The following TMEM151B variants were observed in gnomAD, a reference collection of about 807,000 sequenced individuals.
TMEM151B encodes transmembrane protein 193.
Under a neutral mutation model 33.0 loss-of-function variants are expected in TMEM151B, and 18 were observed. The ratio of observed to expected loss-of-function variants is 0.55; its 90% CI spans 0.38 to 0.81. The LOEUF is 0.81. Among genes scored for constraint, TMEM151B ranks in the 30% least tolerant of loss-of-function variants. The pLI is 0.00. For missense variants in TMEM151B, 672 were observed against 843.4 expected, an observed-to-expected ratio of 0.80 and a Z score of 2.52; for synonymous variants, 354 against 373.6, an observed-to-expected ratio of 0.95 and a Z score of 0.61.
chr6:44,274,021 C>T (rs1292067298), intron 2 of TMEM151B, among the ~76,000 whole-genome samples: 5 of 151,978 alleles, frequency 3.3e-5, no homozygotes, highest in South Asian at 2.1e-4. Flanking sequence ...CCAGCCCACC[C>T]GGCAGCAACA....
chr6:44,271,303 C>A (rs1782331462), intron 1 of TMEM151B, among the ~76,000 whole-genome samples: 1 of 114,968 alleles, frequency 8.7e-6, no homozygotes, highest in Non-Finnish European at 1.7e-5. Context: ...ATCTGGGACC[C>A]TAAGGAGGTC....
At position 44,275,403 on chromosome 6, in the gene TMEM151B, G is replaced by T. The variant is rs779573037; in HGVS notation, c.577G>T (p.Val193Phe). The stretch of plus-strand genomic sequence containing the variant: ...CCGCCGCCTGCCCCCCGCGCCGCAG[G>T]TCTACCACGAACGCGTCAACACGCA... ...RNGDAYTTTQ[V>F]YHERVNTHVA... is the part of the protein sequence containing the mutation. The change falls in exon 3 of 3, where the codon GTC (valine) becomes TTC (phenylalanine). Residue 193 changes from valine (V) to phenylalanine (F), a missense_variant and splice_region_variant. Val to Phe is a conservative substitution (Grantham distance 50). Coordinates refer to ENST00000451188, the MANE Select transcript of TMEM151B (RefSeq NM_001137560.2). The T allele has an allele frequency of 7.3e-5, 110 of 1,513,070 alleles. No individual in the cohort carries two copies. The highest frequency in any genetic ancestry group is 8.4e-5 in the Non-Finnish European group (95 of 1,125,782). 93.7% of individuals were successfully genotyped at this position (1,513,070 alleles called of 1,614,324 possible).
chr6:44,275,803 A>G lies in TMEM151B; in HGVS notation c.977A>G (p.His326Arg). The change falls in exon 3 of 3, where the codon CAC (histidine) becomes CGC (arginine). Residue 326 changes from histidine to arginine, a missense_variant. Physicochemically the swap from His to Arg is conservative, Grantham distance 29. Coordinates refer to ENST00000451188, the MANE Select transcript of TMEM151B (RefSeq NM_001137560.2). ...GCCGAGTACCGCACGGCCTACGCGCACTACCACGTGGAGAAGCTATTTGGC... is the reference window on the plus strand; with the variant it reads ...GCCGAGTACCGCACGGCCTACGCGCGCTACCACGTGGAGAAGCTATTTGGC... The part of the protein sequence containing the change: ...VLAEYRTAYA[H>R]YHVEKLFGLE... The G allele has an allele frequency of 6.5e-7, 1 of 1,543,346 alleles. No individual in the cohort carries two copies. Among genetic ancestry groups the G allele is most frequent in the Non-Finnish European group, 8.7e-7 (1 of 1,145,656 alleles).
In TMEM151B at chr6:44,270,644, C is replaced by T; in HGVS notation, c.-99C>T. 1 of 217,220 alleles carries T rather than the reference C, an allele frequency of 4.6e-6. No individual in the cohort carries two copies. The highest frequency in any genetic ancestry group is 8.8e-6 in the Non-Finnish European group (1 of 113,806). 13.5% of individuals were successfully genotyped at this position (217,220 alleles called of 1,614,324 possible). A position where few individuals can be genotyped will look rare whatever the true frequency, so the allele number is the denominator to read the frequency against. On this transcript the variant is annotated 5_prime_UTR_variant, in exon 1 of 3. Coordinates refer to ENST00000451188, the MANE Select transcript of TMEM151B (RefSeq NM_001137560.2). ...GCGGGGGGTGGGGAGCAGCGAGGGC[C>T]CCGCCCCCTCCCGTCCTCTCCCCAG...
At chr6:44,272,959 T>C in intron 1 of TMEM151B, 107 bp from the exon 2 acceptor site, 1 of 948,064 alleles carries the variant, frequency 1.1e-6, no homozygotes, top group East Asian at 2.6e-5. Flanking sequence ...GCCTGTTATC[T>C]CTGGTGCTGG....
chr6:44,275,117 CAAAAA>C (rs55699643), intron 2 of TMEM151B, among the ~76,000 whole-genome samples: 5,075 of 111,778 alleles, frequency 0.045, 160 homozygotes, highest in East Asian at 0.2. Context: ...GACTCCATCT[CAAAAA>C]AAAAAAAAAA....
intron 2 of TMEM151B, 85 bp from the exon 3 acceptor site, chr6:44,275,318 G>C: frequency 7.0e-7 from 1 of 1,437,512 alleles, no homozygotes; most frequent in Non-Finnish European, 9.1e-7. Context: ...CCAGAGCACA[G>C]ATGGGGCGGG....
At chr6:44,275,300 C>T (rs1782533284) in intron 2 of TMEM151B, 103 bp from the exon 3 acceptor site, 1 of 1,430,912 alleles carries the variant, frequency 7.0e-7, no homozygotes, top group African/African-American at 1.4e-5. Context: ...TAGGGTCCGA[C>T]CAGGCAACCA....
At chr6:44,273,811 T>C (rs568116548) in intron 2 of TMEM151B, among the ~76,000 whole-genome samples, 1 of 151,912 alleles carries the variant, frequency 6.6e-6, no homozygotes, top group Non-Finnish European at 1.5e-5. Context: ...GCCTGGAGAG[T>C]TTAAGTAATG....
intron 1 of TMEM151B, among the ~76,000 whole-genome samples, chr6:44,271,146 G>T (rs1782321435): frequency 6.6e-6 from 1 of 151,694 alleles, no homozygotes. Flanking sequence ...CTGGGCTTAT[G>T]AGAGTGGGGG....
intron 1 of TMEM151B, among the ~76,000 whole-genome samples, chr6:44,271,410 T>C (rs1317776396): frequency 6.7e-6 from 1 of 148,150 alleles, no homozygotes; most frequent in Non-Finnish European, 1.5e-5. Context: ...CTCCTGCTGC[T>C]TCCTCATATC....
intron 2 of TMEM151B, among the ~76,000 whole-genome samples, chr6:44,274,609 A>C (rs967573090): frequency 1.3e-5 from 2 of 152,244 alleles, no homozygotes; most frequent in African/African-American, 2.4e-5. Flanking sequence ...TACAGCGTGA[A>C]CAGGCAGACT....
chr6:44,275,533 A>G lies in TMEM151B; in HGVS notation c.707A>G (p.Lys236Arg). The change falls in exon 3 of 3, where the codon AAG (lysine) becomes AGG (arginine). Residue 236 changes from lysine to arginine, a missense_variant. Lys to Arg is a conservative substitution (Grantham distance 26). Transcript: ENST00000451188. ...GAPATRLRFT[K>R]CFSFASVEAE... is the part of the protein sequence containing the mutation. ...CCGGCCACGCGGCTGCGCTTCACCA[A>G]GTGCTTCAGTTTCGCCAGCGTGGAG... The G allele has an allele frequency of 1.3e-6, 2 of 1,550,386 alleles. No homozygotes were observed. Among genetic ancestry groups the G allele is most frequent in the Non-Finnish European group, 1.7e-6 (2 of 1,146,580 alleles).
Position 44,275,636 on chromosome 6 carries a change from C to G in TMEM151B, c.810C>G (p.Arg270=). The change falls in exon 3 of 3, where the codon CGC becomes CGG. Residue 270 remains arginine (R), a synonymous_variant. Coordinates refer to ENST00000451188, the MANE Select transcript of TMEM151B (RefSeq NM_001137560.2). ...GCCTAGACGACTACATGGAGGCACG[C>G]GAGGGCATGCACCTCAAGAACGTGG... is the stretch of plus-strand genomic sequence containing the variant. ...NEGLDDYMEA[R]EGMHLKNVDF... 3 of 1,551,288 alleles carry G rather than the reference C, an allele frequency of 1.9e-6. No homozygotes were observed. Among genetic ancestry groups the G allele is most frequent in the Non-Finnish European group, 2.6e-6 (3 of 1,146,746 alleles).
At position 44,273,477 on chromosome 6, in the gene TMEM151B, C is replaced by A. The variant is rs1339317673; in HGVS notation, c.547C>A (p.Arg183Ser). ...VRRTRQVTRY[R>S]NGDAYTTTQV... ...CCGCACCCGCCAGGTCACCAGATAC[C>A]GCAATGGAGACGCCTATACCACCAC... Residue 183 changes from arginine (R) to serine (S), a missense_variant, in exon 2 of 3, where the codon CGC becomes AGC. Coordinates refer to ENST00000451188, the MANE Select transcript of TMEM151B (RefSeq NM_001137560.2). 3 of 1,549,774 alleles carry A rather than the reference C, an allele frequency of 1.9e-6. No homozygotes were observed. The highest frequency in any genetic ancestry group is 2.6e-6 in the Non-Finnish European group (3 of 1,146,136).
In TMEM151B at chr6:44,270,793, C is replaced by G; in HGVS notation, c.51C>G (p.Gly17=). The change falls in exon 1 of 3, where the codon GGC becomes GGG. Residue 17 remains glycine, a synonymous_variant. Transcript: ENST00000451188. Reference sequence around the variant, plus strand: ...GAGAGAGCGCCGCCGGCGGCGGCGGCGGCGGTGGCGGCCCCGGGGTCTCGG... The same window carrying G: ...GAGAGAGCGCCGCCGGCGGCGGCGGGGGCGGTGGCGGCCCCGGGGTCTCGG... ...AAGESAAGGG[G]GGGGPGVSEE... is the part of the protein sequence containing the mutation. 9.0e-7 allele frequency: 1 copy of G among 1,115,438 alleles called. No homozygotes were observed. The highest frequency in any genetic ancestry group is 1.1e-6 in the Non-Finnish European group (1 of 911,896). The allele number at this position is 1,115,438 out of a possible 1,614,324, so 69.1% of individuals were successfully genotyped here.
intron 1 of TMEM151B, 104 bp downstream of exon 1, chr6:44,270,981 C>G (rs902004275): frequency 3.3e-5 from 27 of 824,710 alleles, no homozygotes; most frequent in Admixed American, 6.2e-5. Context: ...GGCCGGCGCC[C>G]CGCACCCCGA....
chr6:44,275,131 A>AAG (rs1287237609), intron 2 of TMEM151B, among the ~76,000 whole-genome samples: 5 of 142,310 alleles, frequency 3.5e-5, no homozygotes, highest in Admixed American at 1.4e-4. Context: ...AAAAAAAAAA[A>AAG]AAAAAGAAAA....
rs1384756578 is a variant in TMEM151B at position 44,275,406 on chromosome 6, T to A, written c.580T>A (p.Tyr194Asn). The A allele has an allele frequency of 3.3e-6, 5 of 1,514,030 alleles. No homozygotes were observed. Among genetic ancestry groups the A allele is most frequent in the African/African-American group, 1.4e-5 (1 of 71,998 alleles). The allele number at this position is 1,514,030 out of a possible 1,614,324, so 93.8% of individuals were successfully genotyped here. The part of the protein sequence containing the change: ...NGDAYTTTQV[Y>N]HERVNTHVAE... ...CCGCCTGCCCCCCGCGCCGCAGGTCTACCACGAACGCGTCAACACGCACGT... is the reference window on the plus strand; with the variant it reads ...CCGCCTGCCCCCCGCGCCGCAGGTCAACCACGAACGCGTCAACACGCACGT... The change falls in exon 3 of 3, where the codon TAC becomes AAC. Residue 194 changes from tyrosine (Y) to asparagine (N), a missense_variant. This residue lies in a region of TMEM151B where 285 missense variants were observed against 423.1 expected (regional missense o/e 0.67). Coordinates refer to ENST00000451188, the MANE Select transcript of TMEM151B (RefSeq NM_001137560.2).
Sources: allele counts gnomAD v4.1 joint callset (sites outside exome capture counted in the v4.1 genomes callset), GRCh38; gene constraint gnomAD v4.1.1; regional missense constraint gnomAD v4.1.1; transcripts MANE v1.5; gene names NCBI Gene and HGNC (gene_info 2026-07-23, HGNC 2026-07-21).